The following PDE3A variants were observed in gnomAD, a reference collection of about 807,000 sequenced individuals.
PDE3A encodes the protein phosphodiesterase 3A.
A neutral mutation model predicts 98.3 loss-of-function variants in PDE3A; 43 were observed. That is an observed-to-expected ratio of 0.44 (90% CI 0.34 to 0.56). The LOEUF (loss-of-function observed/expected upper bound fraction) is 0.56. Ranked by LOEUF, PDE3A falls within the 20% of genes least tolerant of loss-of-function variation. PDE3A has a pLI of 0.01. For missense variants in PDE3A, 1,427 were observed against 1,440.7 expected (o/e 0.99, Z 0.15); for synonymous variants, 663 against 567.9 (o/e 1.17, Z -2.38).
intron 2 of PDE3A, among the ~76,000 whole-genome samples, chr12:20,579,192 G>C (rs540020878): frequency 6.6e-6 from 1 of 152,168 alleles, no homozygotes; most frequent in Admixed American, 6.5e-5. Flanking sequence ...AAGATATATT[G>C]AGTCCTATAA....
At chr12:20,459,113 GA>G (rs1945203515) in intron 1 of PDE3A, among the ~76,000 whole-genome samples, 1 of 152,136 alleles carries the variant, frequency 6.6e-6, no homozygotes, top group African/African-American at 2.4e-5. Context: ...TTGTACCTCT[GA>G]AAATTTGTAC....
intron 1 of PDE3A, among the ~76,000 whole-genome samples, chr12:20,484,196 C>T (rs925457161): frequency 6.6e-6 from 1 of 152,130 alleles, no homozygotes; most frequent in Non-Finnish European, 1.5e-5. Context: ...TTGTATCTCC[C>T]CTCCTCAAAC....
chr12:20,635,056 G>GGTA lies in PDE3A; in HGVS notation c.2001+3_2001+5dup, dbSNP rs1565457460. Reference sequence around the variant, plus strand: ...ATGCTCCTGAGACCATGATGTTTCTGGTAGTCCCATATCACTTAACTCACT... The same window carrying GGTA: ...ATGCTCCTGAGACCATGATGTTTCTGGTAGTAGTCCCATATCACTTAACTCACT... On this transcript the variant is annotated inframe_insertion and splice_region_variant. Transcript: ENST00000359062. 1 of 1,610,094 alleles carries GGTA rather than the reference G, an allele frequency of 6.2e-7. No individual in the cohort carries two copies. Among genetic ancestry groups the GGTA allele is most frequent in the South Asian group, 1.1e-5 (1 of 90,650 alleles).
At chr12:20,489,346 G>A (rs1945788863) in intron 1 of PDE3A, among the ~76,000 whole-genome samples, 1 of 152,222 alleles carries the variant, frequency 6.6e-6, no homozygotes, top group South Asian at 2.1e-4. Flanking sequence ...CAGTAAGCCT[G>A]TCAGGCAGCC....
chr12:20,441,305 T>C (rs916663048), intron 1 of PDE3A, among the ~76,000 whole-genome samples: 7 of 152,062 alleles, frequency 4.6e-5, no homozygotes, highest in African/African-American at 1.7e-4. Context: ...CAGATAGTCA[T>C]TGAGTGGGTT....
chr12:20,469,484 G>A (rs1945399567), intron 1 of PDE3A, among the ~76,000 whole-genome samples: 1 of 152,180 alleles, frequency 6.6e-6, no homozygotes, highest in Non-Finnish European at 1.5e-5. Context: ...TCTCTAATGA[G>A]TCTTTGAAAT....
chr12:20,663,231 G>C lies in PDE3A; in HGVS notation c.3184+9026G>C, dbSNP rs187985721. Among the ~76,000 whole-genome samples the C allele has an allele frequency of 2.9e-4, 44 of 152,332 alleles. No individual in the cohort carries two copies. In the East Asian group the frequency reaches 7.7e-3, roughly 27 times the overall value. On this transcript the variant is annotated intron_variant, in intron 15 of 15. Transcript: ENST00000359062. ...TGTCCTGGCAGAAGTTTGCTACAGG[G>C]GTGGAGCCCTCATGGAGAACCTCTG...
intron 15 of PDE3A, among the ~76,000 whole-genome samples, chr12:20,663,193 G>A (rs530853638): frequency 6.6e-6 from 1 of 152,354 alleles, no homozygotes; most frequent in Admixed American, 6.5e-5. Context: ...GAGGATGTAT[G>A]GCAATGCCTG....
chr12:20,670,070 T>G (rs1438444809), intron 15 of PDE3A, among the ~76,000 whole-genome samples: 1 of 149,468 alleles, frequency 6.7e-6, no homozygotes, highest in African/African-American at 2.5e-5. Context: ...AAAACAGACT[T>G]TAAACCAACA....
At chr12:20,392,846 G>A (rs751482549) in intron 1 of PDE3A, among the ~76,000 whole-genome samples, 1 of 152,124 alleles carries the variant, frequency 6.6e-6, no homozygotes, top group Admixed American at 6.6e-5. Flanking sequence ...TAGAACTGGA[G>A]GTCATTATGT....
At chr12:20,460,687 A>G (rs1945230906) in intron 1 of PDE3A, among the ~76,000 whole-genome samples, 1 of 152,164 alleles carries the variant, frequency 6.6e-6, no homozygotes, top group African/African-American at 2.4e-5. Flanking sequence ...ATTATTAGCA[A>G]ATTTTCCTTA....
At chr12:20,439,160 A>G (rs1944827344) in intron 1 of PDE3A, among the ~76,000 whole-genome samples, 1 of 152,122 alleles carries the variant, frequency 6.6e-6, no homozygotes, top group Non-Finnish European at 1.5e-5. Flanking sequence ...TTCAAAATAT[A>G]ATTTTTCTGT....
chr12:20,530,425 A>T (rs1039947310), intron 1 of PDE3A, among the ~76,000 whole-genome samples: 3 of 152,114 alleles, frequency 2.0e-5, no homozygotes, highest in Non-Finnish European at 4.4e-5. Context: ...ATCCAATAAT[A>T]GATTCAAATA....
Position 20,369,856 on chromosome 12 carries a change from C to G in PDE3A, c.572C>G (p.Ala191Gly). 6.2e-7 allele frequency: 1 copy of G among 1,612,296 alleles called. No individual in the cohort carries two copies. The highest frequency in any genetic ancestry group is 8.5e-7 in the Non-Finnish European group (1 of 1,179,460). ...GATCACTTACTCTCACTCCCCGCCG[C>G]GGGGGTGGTGCTCAGCTGCTTGGCC... ...GEDHLLSLPAAGVVLSCLAAA... is the reference protein window; with the variant it reads ...GEDHLLSLPAGGVVLSCLAAA... The change falls in exon 1 of 16, where the codon GCG becomes GGG. Residue 191 changes from alanine to glycine, a missense_variant. Transcript: ENST00000359062.
chr12:20,469,556 C>G (rs1335950418), intron 1 of PDE3A, among the ~76,000 whole-genome samples: 1 of 152,178 alleles, frequency 6.6e-6, no homozygotes, highest in African/African-American at 2.4e-5. Context: ...GGCATAGAAA[C>G]TGGCTACTTT....
chr12:20,507,844 A>G (rs1946146947), intron 1 of PDE3A, among the ~76,000 whole-genome samples: 1 of 152,048 alleles, frequency 6.6e-6, no homozygotes. Flanking sequence ...CCTAGCTCTG[A>G]TTACTACAGA....
At chr12:20,652,378 C>A (rs1410426014) in intron 14 of PDE3A, among the ~76,000 whole-genome samples, 1 of 111,058 alleles carries the variant, frequency 9.0e-6, no homozygotes, top group Non-Finnish European at 2.1e-5. Flanking sequence ...AGTTTACAGT[C>A]CCACCAACAG....
At chr12:20,402,059 C>A (rs12299821) in intron 1 of PDE3A, among the ~76,000 whole-genome samples, 67,485 of 151,962 alleles carry the variant, frequency 0.44, 16,013 homozygotes, top group South Asian at 0.56. Context: ...ATCTGTGGAG[C>A]TTTGTGGATA....
At chr12:20,382,187 T>A (rs1370080863) in intron 1 of PDE3A, among the ~76,000 whole-genome samples, 1 of 151,922 alleles carries the variant, frequency 6.6e-6, no homozygotes, top group Non-Finnish European at 1.5e-5. Context: ...CTGATTTAGT[T>A]AAGTGTAGAG....
Sources: allele counts gnomAD v4.1 joint callset (sites outside exome capture counted in the v4.1 genomes callset), GRCh38; gene constraint gnomAD v4.1.1; transcripts MANE v1.5; gene names NCBI Gene and HGNC (gene_info 2026-07-23, HGNC 2026-07-21).